The following F10 variants were observed in gnomAD, a reference collection of about 807,000 sequenced individuals.
F10 encodes Stuart-Prower factor.
In F10, 29 loss-of-function variants were observed where a neutral mutation model predicts 37.1. The ratio of observed to expected loss-of-function variants is 0.78; its 90% CI spans 0.58 to 1.07. The LOEUF (loss-of-function observed/expected upper bound fraction) is 1.07. Ranked by LOEUF, F10 falls within the 50% of genes least tolerant of loss-of-function variation. The probability of loss-of-function intolerance (pLI) is 0.00; values close to 1 mark genes in which losing one functional copy is unlikely to be tolerated. For synonymous variants in F10, 262 were observed against 268.6 expected, an observed-to-expected ratio of 0.98 and a Z score of 0.24; for missense variants, 539 against 667.9, an observed-to-expected ratio of 0.81 and a Z score of 2.13.
rs536821880 is a variant in F10 at position 113,129,391 on chromosome 13, G to A, written c.71-61G>A. 1.6e-4 allele frequency: 259 copies of A among 1,607,520 alleles called. 2 individuals are homozygous for A. In the South Asian group the frequency reaches 1.9e-3, roughly 12 times the overall value. ...GGGACATGGCAGTCAGGGAGCATAG[G>A]TGAGGGGGAGCCTGGGTGAGGGTGA... is the stretch of plus-strand genomic sequence containing the variant. On this transcript the variant is annotated intron_variant, in intron 1 of 7. Coordinates refer to ENST00000375559, the MANE Select transcript of F10 (RefSeq NM_000504.4).
In F10 at chr13:113,144,597, G is replaced by A. The variant is rs140587923; in HGVS notation, c.747+502G>A. ...GGAGGCAGAAAGAGTTGGTGTCCTC[G>A]CTTCATTTCTAATTTTGGAATTTTT... On this transcript the variant is annotated intron_variant, in intron 6 of 7. Coordinates refer to ENST00000375559, the MANE Select transcript of F10 (RefSeq NM_000504.4). The surrounding 1 kb of genome is among the most constrained non-coding windows in gnomAD (Gnocchi z 6.4). Among the ~76,000 whole-genome samples the A allele has an allele frequency of 5.3e-5, 8 of 152,340 alleles. No homozygotes were observed. The highest frequency in any genetic ancestry group is 8.8e-5 in the Non-Finnish European group (6 of 68,032).
intron 6 of F10, 37 bp from the exon 7 acceptor site, chr13:113,147,342 C>G: frequency 6.9e-7 from 1 of 1,454,862 alleles, no homozygotes; most frequent in Non-Finnish European, 9.7e-7. Flanking sequence ...ACCTGTCCAC[C>G]TGGCCAGCCA....
At chr13:113,133,791 C>T (rs1051150324) in intron 2 of F10, among the ~76,000 whole-genome samples, 8 of 152,154 alleles carry the variant, frequency 5.3e-5, no homozygotes, top group African/African-American at 9.7e-5. Context: ...TATTAGCAAA[C>T]GGTGCAGCAA....
chr13:113,140,684 G>A, intron 4 of F10: 2 of 693,314 alleles, frequency 2.9e-6, no homozygotes, highest in Non-Finnish European at 5.3e-6. Flanking sequence ...GGAGGTGTGA[G>A]GGGCAGGTAC....
intron 1 of F10, among the ~76,000 whole-genome samples, chr13:113,127,916 G>C (rs964385805): frequency 6.6e-6 from 1 of 152,120 alleles, no homozygotes; most frequent in Non-Finnish European, 1.5e-5. Context: ...CCTAGGGAGG[G>C]AGAATTCAAG....
At chr13:113,124,027 C>A (rs180910995) in intron 1 of F10, among the ~76,000 whole-genome samples, 1 of 152,204 alleles carries the variant, frequency 6.6e-6, no homozygotes, top group South Asian at 2.1e-4. Context: ...CCTGGAAGGA[C>A]CCATGCCATC....
At position 113,147,527 on chromosome 13, in the gene F10, T is replaced by TG. The variant is rs750532719; in HGVS notation, c.865+32dup. 53 of 1,352,796 alleles carry TG rather than the reference T, an allele frequency of 3.9e-5. 1 individual carries two copies. The South Asian group carries it at 4.9e-4, about 12-fold the overall frequency. 83.8% of individuals were successfully genotyped at this position (1,352,796 alleles called of 1,614,324 possible). On this transcript the variant is annotated intron_variant, in intron 7 of 7. Transcript: ENST00000375559. ...TGACCAACAGCCCCCAGGGCCGTGGTGAGGGGCACCGTCACTGTCTGCTTT... is the reference window on the plus strand; with the variant it reads ...TGACCAACAGCCCCCAGGGCCGTGGTGGAGGGGCACCGTCACTGTCTGCTTT...
intron 1 of F10, among the ~76,000 whole-genome samples, chr13:113,123,639 C>A (rs3211720): frequency 0.027 from 4,129 of 152,210 alleles, 192 homozygotes; most frequent in African/African-American, 0.093. Flanking sequence ...GGGACCCAGG[C>A]CTGGGAAGGG....
At chr13:113,128,206 C>G (rs983500730) in intron 1 of F10, 1 of 152,232 alleles carries the variant, frequency 6.6e-6, no homozygotes, top group African/African-American at 2.4e-5. Context: ...ACCCATGACA[C>G]AGCCTTGGAA....
At position 113,144,787 on chromosome 13, in the gene F10, C is replaced by G. The variant is rs909782004; in HGVS notation, c.747+692C>G. On this transcript the variant is annotated intron_variant, in intron 6 of 7. Coordinates refer to ENST00000375559, the MANE Select transcript of F10 (RefSeq NM_000504.4). This position sits in a 1 kb window ranked among gnomAD's most constrained non-coding sequence, Gnocchi z 6.4. ...GGAGTGCAGTGTCGCGATCTCGGCTCACTGCAACCTCCACCTCCTGGGTTC... is the reference window on the plus strand; with the variant it reads ...GGAGTGCAGTGTCGCGATCTCGGCTGACTGCAACCTCCACCTCCTGGGTTC... Among the ~76,000 whole-genome samples the G allele has an allele frequency of 6.6e-6, 1 of 152,178 alleles. No homozygotes were observed. Among genetic ancestry groups the G allele is most frequent in the African/African-American group, 2.4e-5 (1 of 41,436 alleles).
intron 5 of F10, among the ~76,000 whole-genome samples, chr13:113,142,556 CAAAAA>C (rs5806973): frequency 3.3e-5 from 2 of 61,412 alleles, no homozygotes; most frequent in African/African-American, 5.7e-5. Flanking sequence ...GACTCTGTCT[CAAAAA>C]AAAAAAAAAA....
intron 2 of F10, 53 bp from the exon 3 acceptor site, chr13:113,138,404 T>C (rs1330310145): frequency 5.4e-6 from 5 of 919,138 alleles, no homozygotes; most frequent in Middle Eastern, 3.2e-4. Flanking sequence ...GTTATTGGTA[T>C]AAAATGTCTC....
In F10 at chr13:113,147,508, ACAGCCCCCAGGGCCG is replaced by A; in HGVS notation, c.865+13_865+27del. On this transcript the variant is annotated intron_variant, in intron 7 of 7. Transcript: ENST00000375559. ...CAAGGTGAGGGTAGGTAAGTGACCA[ACAGCCCCCAGGGCCG>A]TGGTGAGGGGCACCGTCACTGTCTG... is the stretch of plus-strand genomic sequence containing the variant. 6.4e-7 allele frequency: 1 copy of A among 1,556,900 alleles called. No individual in the cohort carries two copies.
chr13:113,148,656 G>A (rs948516171), intron 7 of F10, among the ~76,000 whole-genome samples: 1 of 152,034 alleles, frequency 6.6e-6, no homozygotes, highest in African/African-American at 2.4e-5. Flanking sequence ...TGGCACAGAC[G>A]ATGCACCCGC....
At position 113,148,808 on chromosome 13, in the gene F10, C is replaced by T. The variant is rs1412905505; in HGVS notation, c.866-108C>T. ...TTTTTCAAATTTTCAAAAGTGATCACGTGCCATTTTTAATTTAAAAAAATA... is the reference window on the plus strand; with the variant it reads ...TTTTTCAAATTTTCAAAAGTGATCATGTGCCATTTTTAATTTAAAAAAATA... On this transcript the variant is annotated intron_variant, in intron 7 of 7. Transcript: ENST00000375559. 3.3e-6 allele frequency: 5 copies of T among 1,502,536 alleles called. No homozygotes were observed. The South Asian group carries it at 4.1e-5, about 12-fold the overall frequency. 93.1% of individuals were successfully genotyped at this position (1,502,536 alleles called of 1,614,324 possible).
chr13:113,132,952 C>T (rs1241903380), intron 2 of F10, among the ~76,000 whole-genome samples: 1 of 152,104 alleles, frequency 6.6e-6, no homozygotes, highest in Admixed American at 6.5e-5. Flanking sequence ...CTGGAAACTT[C>T]CCTAAGTACT....
chr13:113,130,016 G>A (rs1291343315), intron 2 of F10: 4 of 332,368 alleles, frequency 1.2e-5, no homozygotes, highest in Non-Finnish European at 2.3e-5. Context: ...CTTGGCCTCC[G>A]TAGTCGCTGA....
chr13:113,127,684 T>G lies in F10; in HGVS notation c.71-1768T>G, dbSNP rs148330117. 2.0e-5 allele frequency among the ~76,000 whole-genome samples: 3 copies of G among 152,314 alleles called. No homozygotes were observed. In the East Asian group the frequency reaches 5.8e-4, roughly 29 times the overall value. ...AAAGAGTAGAATCAAATAGAAAACTTTGTACTAAGTACTGTATTTTAGGAA... is the reference window on the plus strand; with the variant it reads ...AAAGAGTAGAATCAAATAGAAAACTGTGTACTAAGTACTGTATTTTAGGAA... On this transcript the variant is annotated intron_variant, in intron 1 of 7. Transcript: ENST00000375559.
rs1010539163 is a variant in F10 at position 113,126,528 on chromosome 13, G to A, written c.71-2924G>A. ...GGGATCGACCAGAGACAGTGAGGGC[G>A]TCAGGCTCCAGTTGAGTGGGGACCA... On this transcript the variant is annotated intron_variant, in intron 1 of 7. Transcript: ENST00000375559. Among the ~76,000 whole-genome samples, 13 of 152,334 alleles carry A rather than the reference G, an allele frequency of 8.5e-5. No individual in the cohort carries two copies. In the East Asian group the frequency reaches 1.2e-3, roughly 14 times the overall value.
Sources: gnomAD v4.1 joint callset for allele counts (sites outside exome capture counted in the v4.1 genomes callset) on GRCh38, gnomAD v4.1.1 for gene constraint, Gnocchi (gnomAD v3.1) non-coding constraint, MANE v1.5 for transcripts, NCBI Gene and HGNC (gene_info 2026-07-23, HGNC 2026-07-21) for gene names.